SIPA1L1: variants seen among roughly 807,000 people sequenced by gnomAD.
SIPA1L1 encodes the protein signal induced proliferation associated 1 like 1.
SIPA1L1 carries 26 observed loss-of-function variants against 162.7 expected under a neutral mutation model. The observed-to-expected ratio is 0.16, with a 90% CI of 0.12 to 0.22. The LOEUF is 0.22. SIPA1L1 is among the 10% of genes least tolerant of loss of function. The pLI is 1.00. For synonymous variants in SIPA1L1, 829 were observed against 837.4 expected, an observed-to-expected ratio of 0.99 and a Z score of 0.17; for missense variants, 1,874 against 2,241.0, an observed-to-expected ratio of 0.84 and a Z score of 3.31.
At chr14:71,606,034 C>T (rs2037455051) in intron 5 of SIPA1L1, among the ~76,000 whole-genome samples, 1 of 152,146 alleles carries the variant, frequency 6.6e-6, no homozygotes, top group African/African-American at 2.4e-5. Context: ...AGCTTGACCT[C>T]TGCCTCCTTG....
chr14:71,507,222 C>T (rs929967672), intron 2 of SIPA1L1, among the ~76,000 whole-genome samples: 4 of 152,168 alleles, frequency 2.6e-5, no homozygotes, highest in African/African-American at 9.7e-5. Context: ...AATATGACAG[C>T]ACAACGTACT....
At position 71,650,323 on chromosome 14, in the gene SIPA1L1, C is replaced by T; in HGVS notation, c.1819-12C>T. ...CCTATATTTATATGCATCGTATTAC[C>T]TGCCTTCACAGCTGAACTACCAGCA... On this transcript the variant is annotated splice_polypyrimidine_tract_variant and intron_variant, in intron 7 of 23. Coordinates refer to ENST00000381232, the MANE Select transcript of SIPA1L1 (RefSeq NM_001386936.1). 1 of 1,613,818 alleles carries T rather than the reference C, an allele frequency of 6.2e-7. No individual in the cohort carries two copies. The highest frequency in any genetic ancestry group is 8.5e-7 in the Non-Finnish European group (1 of 1,179,748).
chr14:71,668,698 CTG>C (rs1336795915), intron 10 of SIPA1L1, among the ~76,000 whole-genome samples: 5 of 152,170 alleles, frequency 3.3e-5, no homozygotes, highest in Non-Finnish European at 7.4e-5. Flanking sequence ...CTCTGTCTGT[CTG>C]TCATCTAGAT....
At chr14:71,356,586 A>AAAAAAAAAAAAAAAAC (rs1323653711) in intron 2 of SIPA1L1, among the ~76,000 whole-genome samples, 2 of 147,294 alleles carry the variant, frequency 1.4e-5, no homozygotes, top group Non-Finnish European at 1.5e-5. Flanking sequence ...AAAAAAAAAA[A>AAAAAAAAAAAAAAAAC]AGCACACCTG....
intron 2 of SIPA1L1, among the ~76,000 whole-genome samples, chr14:71,431,310 A>G (rs1190393973): frequency 2.0e-5 from 3 of 152,208 alleles, no homozygotes; most frequent in African/African-American, 4.8e-5. Context: ...CTATGAAAAG[A>G]GGCAAATAAA....
At position 71,542,392 on chromosome 14, in the gene SIPA1L1, C is replaced by CCTG. The variant is rs1225056411; in HGVS notation, c.-303+13037_-303+13039dup. Reference sequence around the variant, plus strand: ...CCTGCTGCTGCTGCTGCTGCTTCTTCCTGCTGCTGCTGCTGCTTCTGCTTC... The same window carrying CCTG: ...CCTGCTGCTGCTGCTGCTGCTTCTTCCTGCTGCTGCTGCTGCTGCTTCTGCTTC... On this transcript the variant is annotated intron_variant, in intron 4 of 23. Transcript: ENST00000381232. Among the ~76,000 whole-genome samples the CCTG allele has an allele frequency of 2.5e-4, 37 of 148,140 alleles. 2 individuals are homozygous for CCTG. The East Asian group carries it at 4.9e-3, about 20-fold the overall frequency.
At chr14:71,710,894 TA>T (rs2082830941) in intron 17 of SIPA1L1, among the ~76,000 whole-genome samples, 1 of 152,028 alleles carries the variant, frequency 6.6e-6, no homozygotes, top group Non-Finnish European at 1.5e-5. Context: ...AATGGAAATC[TA>T]GGCACATAAT....
chr14:71,518,444 A>G (rs2051965329), intron 3 of SIPA1L1, among the ~76,000 whole-genome samples: 1 of 152,132 alleles, frequency 6.6e-6, no homozygotes, highest in African/African-American at 2.4e-5. Flanking sequence ...TTCTCCATTA[A>G]CCTGGAAGTC....
intron 16 of SIPA1L1, among the ~76,000 whole-genome samples, chr14:71,706,647 C>T (rs1439182459): frequency 6.6e-6 from 1 of 152,122 alleles, no homozygotes; most frequent in Non-Finnish European, 1.5e-5. Context: ...TATTACAGCA[C>T]TTAGTAAGTT....
intron 15 of SIPA1L1, among the ~76,000 whole-genome samples, chr14:71,703,410 A>T (rs1333568732): frequency 6.6e-6 from 1 of 152,220 alleles, no homozygotes. Flanking sequence ...CTAACCATGG[A>T]CATAGAAAGG....
At chr14:71,438,852 C>T (rs2044615451) in intron 2 of SIPA1L1, among the ~76,000 whole-genome samples, 1 of 152,156 alleles carries the variant, frequency 6.6e-6, no homozygotes, top group Non-Finnish European at 1.5e-5. Flanking sequence ...AGCTTACTTG[C>T]CTCCCTCTTG....
intron 2 of SIPA1L1, among the ~76,000 whole-genome samples, chr14:71,489,892 C>T (rs1026741160): frequency 5.9e-5 from 9 of 152,186 alleles, no homozygotes; most frequent in Admixed American, 2.6e-4. Context: ...GCAGCTCTCA[C>T]GGGGCTGGAA....
At chr14:71,737,231 C>G (rs1414823555) in intron 22 of SIPA1L1, among the ~76,000 whole-genome samples, 2 of 152,214 alleles carry the variant, frequency 1.3e-5, no homozygotes, top group Non-Finnish European at 2.9e-5. Flanking sequence ...GACATCAACA[C>G]AGTTCATCTG....
chr14:71,565,425 AT>A (rs2030262624), intron 4 of SIPA1L1, among the ~76,000 whole-genome samples: 1 of 152,190 alleles, frequency 6.6e-6, no homozygotes, highest in Admixed American at 6.5e-5. Flanking sequence ...CTGCCTAGAG[AT>A]TTTACCGAAG....
At chr14:71,686,183 C>A (rs1033261618) in intron 13 of SIPA1L1, among the ~76,000 whole-genome samples, 3 of 152,126 alleles carry the variant, frequency 2.0e-5, no homozygotes, top group African/African-American at 7.2e-5. Flanking sequence ...ACACTTAGTC[C>A]TGAGTAAAGT....
intron 2 of SIPA1L1, among the ~76,000 whole-genome samples, chr14:71,504,543 A>T (rs1467562820): frequency 6.6e-6 from 1 of 152,198 alleles, no homozygotes; most frequent in Non-Finnish European, 1.5e-5. Flanking sequence ...AAAATAAAAG[A>T]TACCTTCTAT....
intron 5 of SIPA1L1, among the ~76,000 whole-genome samples, chr14:71,602,353 T>A (rs185536810): frequency 6.6e-6 from 1 of 152,350 alleles, no homozygotes; most frequent in East Asian, 1.9e-4. Context: ...AATTTCTATT[T>A]ATTTTTACAG....
intron 4 of SIPA1L1, among the ~76,000 whole-genome samples, chr14:71,581,166 TAATAA>T (rs2033877646): frequency 6.6e-6 from 1 of 152,166 alleles, no homozygotes. Flanking sequence ...TTTCTTAGTT[TAATAA>T]AATTAGTGGT....
At position 71,702,209 on chromosome 14, in the gene SIPA1L1, ACACATTTCCACACC is replaced by A; in HGVS notation, c.3522-168_3522-155del. On this transcript the variant is annotated intron_variant, in intron 14 of 23. Transcript: ENST00000381232. ...GAGTGGTGTATATTGACCACAACATACACATTTCCACACCCACGTAAACACGAACCAGGGTGTGT... is the reference window on the plus strand; with the variant it reads ...GAGTGGTGTATATTGACCACAACATACACGTAAACACGAACCAGGGTGTGT... 4.8e-6 allele frequency: 3 copies of A among 629,492 alleles called. No individual in the cohort carries two copies. In the South Asian group the frequency reaches 5.9e-5, roughly 12 times the overall value. The allele number at this position is 629,492 out of a possible 1,614,324, so 39.0% of individuals were successfully genotyped here.
Sources: gnomAD v4.1 joint callset for allele counts (sites outside exome capture counted in the v4.1 genomes callset) on GRCh38, gnomAD v4.1.1 for gene constraint, MANE v1.5 for transcripts, NCBI Gene and HGNC (gene_info 2026-07-23, HGNC 2026-07-21) for gene names.